Variants in NCK2 observed in about 807,000 individuals in gnomAD.
NCK2 encodes the protein NCK adaptor protein 2.
Under a neutral mutation model 33.9 loss-of-function variants are expected in NCK2, and 16 were observed. That is an observed-to-expected ratio of 0.47 (90% CI 0.32 to 0.72). The LOEUF is 0.72. Among genes scored for constraint, NCK2 ranks in the 30% least tolerant of loss-of-function variants. NCK2 has a pLI of 0.03. For missense variants in NCK2, 418 were observed against 537.3 expected, an observed-to-expected ratio of 0.78 and a Z score of 2.19; for synonymous variants, 273 against 239.9, an observed-to-expected ratio of 1.14 and a Z score of -1.27.
intron 2 of NCK2, among the ~76,000 whole-genome samples, chr2:105,832,076 C>T (rs2889604): frequency 0.27 from 40,763 of 152,006 alleles, 6,248 homozygotes; most frequent in East Asian, 0.44. Flanking sequence ...AGACATCTTT[C>T]ACTTTCTTGG....
intron 3 of NCK2, among the ~76,000 whole-genome samples, chr2:105,878,681 G>T (rs2104651384): frequency 1.3e-5 from 2 of 152,244 alleles, no homozygotes. Flanking sequence ...ACATTTGGGG[G>T]GTAAGAAAAC....
chr2:105,820,205 A>C (rs1475348760), intron 2 of NCK2, among the ~76,000 whole-genome samples: 1 of 152,194 alleles, frequency 6.6e-6, no homozygotes, highest in East Asian at 1.9e-4. Context: ...GTTCCTGGAG[A>C]CTGCAGGTCA....
Position 105,817,050 on chromosome 2 carries a change from C to T in NCK2, c.-17+437C>T, listed in dbSNP as rs114569461. 2.7e-3 allele frequency among the ~76,000 whole-genome samples: 403 copies of T among 151,890 alleles called. 3 individuals are homozygous for T. The highest frequency in any genetic ancestry group is 9.3e-3 in the African/African-American group (384 of 41,376). The stretch of plus-strand genomic sequence containing the variant: ...GGATAGCTGGGCATGGTGGCGTGCA[C>T]ATGTAGTCTCAGCTATTCGGGAGGC... On this transcript the variant is annotated intron_variant, in intron 2 of 4. Coordinates refer to ENST00000233154, the MANE Select transcript of NCK2 (RefSeq NM_003581.5).
At chr2:105,843,056 G>A (rs964982825) in intron 2 of NCK2, among the ~76,000 whole-genome samples, 12 of 152,194 alleles carry the variant, frequency 7.9e-5, no homozygotes, top group African/African-American at 2.4e-4. Flanking sequence ...TTCTAGTTAA[G>A]TATACCTTAT....
At chr2:105,774,043 C>G (rs1690224168) in intron 1 of NCK2, among the ~76,000 whole-genome samples, 3 of 150,960 alleles carry the variant, frequency 2.0e-5, no homozygotes, top group South Asian at 2.1e-4. Context: ...GAGTCTCGCC[C>G]TGTTGCCCAG....
At chr2:105,872,839 G>T (rs1678070376) in intron 3 of NCK2, among the ~76,000 whole-genome samples, 1 of 152,210 alleles carries the variant, frequency 6.6e-6, no homozygotes, top group South Asian at 2.1e-4. Flanking sequence ...AAATGATTCG[G>T]AGAAATCTCT....
intron 2 of NCK2, among the ~76,000 whole-genome samples, chr2:105,831,409 T>C (rs2104523028): frequency 9.6e-6 from 1 of 104,192 alleles, no homozygotes; most frequent in East Asian, 3.9e-4. Flanking sequence ...AAGCATGATA[T>C]CTTTTTTTTT....
chr2:105,881,855 G>A lies in NCK2; in HGVS notation c.754G>A (p.Val252Met). The change falls in exon 4 of 5, where the codon GTG becomes ATG. Residue 252 changes from valine to methionine, a missense_variant. Coordinates refer to ENST00000233154, the MANE Select transcript of NCK2 (RefSeq NM_003581.5). ...GQVGLVPKNYVVVLSDGPALH... is the reference protein window; with the variant it reads ...GQVGLVPKNYMVVLSDGPALH... Reference sequence around the variant, plus strand: ...GGTGGGCCTCGTCCCCAAAAACTACGTGGTGGTCCTCAGTGACGGGCCTGC... The same window carrying A: ...GGTGGGCCTCGTCCCCAAAAACTACATGGTGGTCCTCAGTGACGGGCCTGC... The A allele has an allele frequency of 1.3e-6, 2 of 1,592,960 alleles. No homozygotes were observed. Among genetic ancestry groups the A allele is most frequent in the Non-Finnish European group, 1.7e-6 (2 of 1,168,786 alleles).
At chr2:105,824,655 T>G (rs1214667573) in intron 2 of NCK2, among the ~76,000 whole-genome samples, 1 of 152,204 alleles carries the variant, frequency 6.6e-6, no homozygotes, top group Non-Finnish European at 1.5e-5. Flanking sequence ...CAGAGGTCTC[T>G]GGAGGAATCA....
intron 1 of NCK2, among the ~76,000 whole-genome samples, chr2:105,812,079 C>T (rs1257092511): frequency 1.3e-5 from 2 of 152,148 alleles, no homozygotes; most frequent in Admixed American, 6.5e-5. Flanking sequence ...AACCTACTAA[C>T]CAGCATTAAT....
intron 1 of NCK2, among the ~76,000 whole-genome samples, chr2:105,775,527 GTTCT>G (rs1690270990): frequency 6.6e-6 from 1 of 151,970 alleles, no homozygotes; most frequent in African/African-American, 2.4e-5. Context: ...ACATTGATGT[GTTCT>G]TTCTTATCTC....
chr2:105,877,917 A>G (rs1678303698), intron 3 of NCK2, among the ~76,000 whole-genome samples: 1 of 152,210 alleles, frequency 6.6e-6, no homozygotes, highest in Admixed American at 6.5e-5. Context: ...ACTTTGTCAC[A>G]GGACTGTTGT....
intron 2 of NCK2, 113 bp downstream of exon 2, chr2:105,816,726 T>A (rs1157328809): frequency 6.6e-6 from 1 of 152,198 alleles, no homozygotes; most frequent in Non-Finnish European, 1.5e-5. Context: ...ATTTGTTGAA[T>A]CACATTAAAT....
intron 1 of NCK2, among the ~76,000 whole-genome samples, chr2:105,799,885 T>C (rs2104444045): frequency 6.6e-6 from 1 of 152,324 alleles, no homozygotes; most frequent in Middle Eastern, 3.4e-3. Flanking sequence ...TTGAAAATCA[T>C]TAATGACATA....
chr2:105,747,391 AG>A (rs757342995), intron 1 of NCK2, among the ~76,000 whole-genome samples: 26 of 152,196 alleles, frequency 1.7e-4, no homozygotes, highest in East Asian at 1.2e-3. Flanking sequence ...AATGCACTGG[AG>A]TCCTTTACTT....
intron 3 of NCK2, among the ~76,000 whole-genome samples, chr2:105,876,264 T>A (rs1488408630): frequency 1.3e-5 from 2 of 152,202 alleles, no homozygotes; most frequent in Non-Finnish European, 2.9e-5. Flanking sequence ...AACACATCAT[T>A]TCATCTCTTG....
At chr2:105,763,297 C>T (rs1689826969) in intron 1 of NCK2, among the ~76,000 whole-genome samples, 1 of 152,176 alleles carries the variant, frequency 6.6e-6, no homozygotes, top group South Asian at 2.1e-4. Flanking sequence ...GGTGTCACTG[C>T]GTCCTCTGAT....
At chr2:105,779,826 A>G (rs1352945719) in intron 1 of NCK2, among the ~76,000 whole-genome samples, 1 of 152,080 alleles carries the variant, frequency 6.6e-6, no homozygotes, top group African/African-American at 2.4e-5. Flanking sequence ...CACGTTCTGT[A>G]TGATGGATTA....
chr2:105,759,942 A>C (rs888261032), intron 1 of NCK2, among the ~76,000 whole-genome samples: 12 of 152,134 alleles, frequency 7.9e-5, no homozygotes, highest in Non-Finnish European at 1.8e-4. Flanking sequence ...TCAAGGGTCC[A>C]TGTGATCAGC....
Sources: allele counts gnomAD v4.1 joint callset (sites outside exome capture counted in the v4.1 genomes callset), GRCh38; gene constraint gnomAD v4.1.1; transcripts MANE v1.5; gene names NCBI Gene and HGNC (gene_info 2026-07-23, HGNC 2026-07-21).